Variants in CHST7 observed in about 807,000 individuals in gnomAD.
The protein encoded by CHST7 is N-acetylglucosamine 6-O-sulfotransferase 4.
A neutral mutation model predicts 9.0 loss-of-function variants in CHST7; 5 were observed. The observed-to-expected ratio is 0.56, with a 90% CI of 0.29 to 1.17. CHST7 has a LOEUF of 1.17. Ranked by LOEUF, CHST7 falls within the 50% of genes most tolerant of loss-of-function variation. The pLI is 0.08. For synonymous variants in CHST7, 244 were observed against 237.1 expected, an observed-to-expected ratio of 1.03 and a Z score of -0.27; for missense variants, 377 against 485.1, an observed-to-expected ratio of 0.78 and a Z score of 2.09.
At chrX:46,591,878 C>A (rs1007315900) in intron 1 of CHST7, among the ~76,000 whole-genome samples, 1 of 109,411 alleles carries the variant, frequency 9.1e-6, no homozygotes, top group Admixed American at 9.9e-5. Context: ...GCCCCACACC[C>A]CCTGACAGGC....
chrX:46,588,590 A>G (rs1942559947), intron 1 of CHST7, among the ~76,000 whole-genome samples: 1 of 111,594 alleles, frequency 9.0e-6, no homozygotes, highest in African/African-American at 3.3e-5. Flanking sequence ...TTTGATGGCA[A>G]TGAGGCTATT....
At chrX:46,582,007 C>T (rs1163473650) in intron 1 of CHST7, among the ~76,000 whole-genome samples, 1 of 112,043 alleles carries the variant, frequency 8.9e-6, no homozygotes, top group African/African-American at 3.2e-5. Flanking sequence ...ACGCAAATTC[C>T]GGCAGAAAAA....
intron 1 of CHST7, among the ~76,000 whole-genome samples, chrX:46,589,981 T>A: frequency 8.9e-6 from 1 of 112,010 alleles, no homozygotes; most frequent in Non-Finnish European, 1.9e-5. Context: ...TGCCAGCGAT[T>A]CAATAAAAAA....
rs755812693 is a variant in CHST7 at position 46,594,931 on chromosome X, C to CT, written c.*32-2822dup. Among the ~76,000 whole-genome samples the CT allele has an allele frequency of 1.5e-3, 165 of 111,513 alleles. 1 individual carries two copies. The highest frequency in any genetic ancestry group is 5.1e-3 in the African/African-American group (157 of 30,754). On this transcript the variant is annotated intron_variant, in intron 1 of 1. Transcript: ENST00000276055. ...CACAGGCCCCTGAGGCTCTGTTTATCTTTTTTTAACTCTATTTTCTGTTGT... is the reference window on the plus strand; with the variant it reads ...CACAGGCCCCTGAGGCTCTGTTTATCTTTTTTTTAACTCTATTTTCTGTTGT...
chrX:46,574,035 G>A lies in CHST7; in HGVS notation c.104G>A (p.Gly35Asp), dbSNP rs747935476. Residue 35 changes from glycine (G) to aspartate (D), a missense_variant, in exon 1 of 2, where the codon GGC becomes GAC. Gly to Asp is a moderately conservative substitution (Grantham distance 94, BLOSUM62 -1). Around this residue, in one of 3 missense-constraint regions of CHST7, gnomAD observed 239 missense variants for 325.7 expected, o/e 0.73. Transcript: ENST00000276055. ...CTCGTCCCCTCCGTATTGGACGGCG[G>A]CCGCGACGGGGACAAGGGCGCCGAG... ...LLLVPSVLDG[G>D]RDGDKGAEHC... is the part of the protein sequence containing the mutation. 6 of 1,160,905 alleles carry A rather than the reference G, an allele frequency of 5.2e-6. No individual in the cohort carries two copies. The highest frequency in any genetic ancestry group is 5.7e-6 in the Non-Finnish European group (5 of 875,354).
chrX:46,580,839 T>C (rs1942521330), intron 1 of CHST7, among the ~76,000 whole-genome samples: 1 of 111,954 alleles, frequency 8.9e-6, no homozygotes, highest in Non-Finnish European at 1.9e-5. Context: ...AACCCAGGCA[T>C]CAGGGCCTGC....
At chrX:46,591,218 G>T (rs1208954926) in intron 1 of CHST7, among the ~76,000 whole-genome samples, 1 of 111,958 alleles carries the variant, frequency 8.9e-6, no homozygotes, top group African/African-American at 3.2e-5. Flanking sequence ...AAATGCAATT[G>T]CTGGATCGTG....
rs1291049334 is a variant in CHST7, at chrX:46,574,242, T to G, written c.311T>G (p.Ile104Ser). Residue 104 changes from isoleucine to serine, a missense_variant, in exon 1 of 2, where the codon ATC becomes AGC. Around this residue, in one of 3 missense-constraint regions of CHST7, gnomAD observed 239 missense variants for 325.7 expected, o/e 0.73. Transcript: ENST00000276055. ...GCAGTGTCTCGCGAGAAGCAGCACA[T>G]CTACGTGCATGCCACCTGGCGCACC... The part of the protein sequence containing the change: ...GEAVSREKQH[I>S]YVHATWRTGS... The G allele has an allele frequency of 8.3e-7, 1 of 1,211,246 alleles. No individual in the cohort carries two copies. The highest frequency in any genetic ancestry group is 1.1e-6 in the Non-Finnish European group (1 of 895,094).
At chrX:46,576,828 T>C (rs1423020186) in intron 1 of CHST7, among the ~76,000 whole-genome samples, 2 of 112,603 alleles carry the variant, frequency 1.8e-5, no homozygotes, top group Non-Finnish European at 3.8e-5. Flanking sequence ...TTCAGAGTGA[T>C]TTCAGAAGCT....
intron 1 of CHST7, among the ~76,000 whole-genome samples, chrX:46,586,323 T>A (rs1407203946): frequency 2.7e-5 from 3 of 112,274 alleles, no homozygotes; most frequent in Middle Eastern, 4.6e-3. Context: ...GGTCCATAGA[T>A]TCTGTACACT....
chrX:46,577,123 C>CTT (rs34822854), intron 1 of CHST7, among the ~76,000 whole-genome samples: 37 of 69,324 alleles, frequency 5.3e-4, no homozygotes, highest in East Asian at 2.7e-3. Flanking sequence ...GAAACTTTTG[C>CTT]TTTTTTTTTT....
At chrX:46,594,076 A>G in intron 1 of CHST7, among the ~76,000 whole-genome samples, 1 of 112,611 alleles carries the variant, frequency 8.9e-6, no homozygotes, top group South Asian at 3.6e-4. Context: ...TTCATTTGTG[A>G]TATTTCAAGC....
At chrX:46,584,491 C>T (rs979093749) in intron 1 of CHST7, among the ~76,000 whole-genome samples, 2 of 101,008 alleles carry the variant, frequency 2.0e-5, no homozygotes, top group East Asian at 3.1e-4. Context: ...GAGCCGAGAT[C>T]GCACCATTGC....
intron 1 of CHST7, among the ~76,000 whole-genome samples, chrX:46,595,624 G>A (rs1201874080): frequency 9.0e-6 from 1 of 110,884 alleles, no homozygotes; most frequent in African/African-American, 3.3e-5. Context: ...GGCATTTCTG[G>A]CTTGCTGGCT....
Position 46,573,833 on chromosome X carries a change from C to T in CHST7, c.-99C>T. On this transcript the variant is annotated 5_prime_UTR_variant, in exon 1 of 2. An upstream open reading frame in the 5' UTR gains an earlier in-frame stop. Transcript: ENST00000276055. ...CCCCGCGGCTCTGCTCCTCCCGGCG[C>T]AGAGGGGCCGGGAGAGGCCACAGGA... 6.4e-6 allele frequency: 7 copies of T among 1,101,834 alleles called. No homozygotes were observed. The highest frequency in any genetic ancestry group is 3.4e-5 in the East Asian group (1 of 29,308). The allele number at this position is 1,101,834 out of a possible 1,213,427, so 90.8% of individuals were successfully genotyped here.
chrX:46,573,770 C>A lies in CHST7; in HGVS notation c.-162C>A. The A allele has an allele frequency of 1.2e-6, 1 of 847,790 alleles. No individual in the cohort carries two copies. Among genetic ancestry groups the A allele is most frequent in the Non-Finnish European group, 1.6e-6 (1 of 626,601 alleles). 69.9% of individuals were successfully genotyped at this position (847,790 alleles called of 1,213,427 possible). On this transcript the variant is annotated 5_prime_UTR_variant, in exon 1 of 2. Coordinates refer to ENST00000276055, the MANE Select transcript of CHST7 (RefSeq NM_019886.4). ...GAGAGGGCAGGGGCGCCGTCAGTAGCACCACCGCCTTCCAAGTTTCCCCTT... is the reference window on the plus strand; with the variant it reads ...GAGAGGGCAGGGGCGCCGTCAGTAGAACCACCGCCTTCCAAGTTTCCCCTT...
chrX:46,586,467 A>G (rs1942550156), intron 1 of CHST7, among the ~76,000 whole-genome samples: 1 of 111,978 alleles, frequency 8.9e-6, no homozygotes, highest in African/African-American at 3.2e-5. Context: ...GACCAATGGC[A>G]GCCTGAATTG....
rs764208188 is a variant in CHST7 at position 46,574,482 on chromosome X, C to A, written c.551C>A (p.Thr184Lys). The stretch of plus-strand genomic sequence containing the variant: ...GACCCCGCTGCGCGCGCCCCGGACA[C>A]GGCCAATCTTACCACGGCCGCCCTC... Reference protein sequence around the residue: ...PGDPAARAPDTANLTTAALFR... With the variant: ...PGDPAARAPDKANLTTAALFR... Residue 184 changes from threonine (T) to lysine (K), a missense_variant, in exon 1 of 2, where the codon ACG (threonine) becomes AAG (lysine). Physicochemically the swap from Thr to Lys is moderately conservative, Grantham distance 78. Coordinates refer to ENST00000276055, the MANE Select transcript of CHST7 (RefSeq NM_019886.4). The A allele has an allele frequency of 1.5e-5, 18 of 1,205,825 alleles. No individual in the cohort carries two copies. The highest frequency in any genetic ancestry group is 1.9e-5 in the Non-Finnish European group (17 of 893,003).
chrX:46,573,988 G>A lies in CHST7; in HGVS notation c.57G>A (p.Val19=). Residue 19 remains valine, a synonymous_variant, in exon 1 of 2, where the codon GTG becomes GTA. Transcript: ENST00000276055. ...ACTGCAAGTTCGCGCTGCTGTTGGT[G>A]CTGTACACGCTGGTGCTGTTGCTCG... ...REYCKFALLL[V]LYTLVLLLVP... The A allele has an allele frequency of 8.6e-7, 1 of 1,157,647 alleles. No homozygotes were observed. The highest frequency in any genetic ancestry group is 1.1e-6 in the Non-Finnish European group (1 of 873,867).
Sources: gnomAD v4.1 joint callset for allele counts (sites outside exome capture counted in the v4.1 genomes callset) on GRCh38, gnomAD v4.1.1 for gene constraint, gnomAD v4.1.1 regional missense constraint, MANE v1.5 for transcripts, NCBI Gene and HGNC (gene_info 2026-07-23, HGNC 2026-07-21) for gene names.